GPHN: variants seen among roughly 807,000 people sequenced by gnomAD.
GPHN encodes gephyrin.
GPHN carries 17 observed loss-of-function variants against 95.5 expected under a neutral mutation model. The ratio of observed to expected loss-of-function variants is 0.18; its 90% CI spans 0.12 to 0.27. The LOEUF is 0.27. Ranked by LOEUF, GPHN falls within the 10% of genes least tolerant of loss-of-function variation. The probability of loss-of-function intolerance (pLI) is 1.00; values close to 1 mark genes in which losing one functional copy is unlikely to be tolerated. For missense variants in GPHN, 660 were observed against 978.1 expected, an observed-to-expected ratio of 0.67 and a Z score of 4.34; for synonymous variants, 320 against 322.5, an observed-to-expected ratio of 0.99 and a Z score of 0.08.
chr14:66,737,733 G>A (rs1422751533), intron 2 of GPHN, among the ~76,000 whole-genome samples: 8 of 151,980 alleles, frequency 5.3e-5, no homozygotes, highest in Admixed American at 6.6e-5. Flanking sequence ...ATTCTTTTTT[G>A]CTTACAGCCT....
chr14:66,754,095 T>A lies in GPHN; in HGVS notation c.144-22369T>A, dbSNP rs189741422. On this transcript the variant is annotated intron_variant, in intron 2 of 22. Transcript: ENST00000478722. ...CATTATCTGAGTTTATCACATTTTG[T>A]TTATTTATTCATCAGTTAATGGATA... Among the ~76,000 whole-genome samples the A allele has an allele frequency of 4.6e-5, 7 of 152,222 alleles. No homozygotes were observed. The East Asian group carries it at 7.7e-4, about 17-fold the overall frequency.
chr14:67,262,585 T>G, the GPHN span, among the ~76,000 whole-genome samples: 1 of 152,160 alleles, frequency 6.6e-6, no homozygotes, highest in Admixed American at 6.5e-5. Context: ...AATAAAACAT[T>G]GTCTTTATTG....
chr14:66,668,796 AAAAAGT>A (rs1306682883), intron 1 of GPHN, among the ~76,000 whole-genome samples: 2 of 152,196 alleles, frequency 1.3e-5, no homozygotes, highest in African/African-American at 4.8e-5. Flanking sequence ...CTTAAAAAAG[AAAAAGT>A]GCTTCCTTCT....
At chr14:67,159,316 C>A in intron 18 of GPHN, 99 bp from the exon 19 acceptor site, 1 of 800,468 alleles carries the variant, frequency 1.2e-6, no homozygotes, top group South Asian at 1.4e-5. Flanking sequence ...AAAGATGTTT[C>A]TTTTCATTTC....
At chr14:67,246,110 CTTTTTAT>C in the GPHN span, among the ~76,000 whole-genome samples, 12 of 151,470 alleles carry the variant, frequency 7.9e-5, no homozygotes, top group Non-Finnish European at 1.6e-4. Context: ...TTTGTCTATC[CTTTTTAT>C]TTTTTATTTT....
At chr14:67,670,114 C>G in the GPHN span, among the ~76,000 whole-genome samples, 7 of 152,232 alleles carry the variant, frequency 4.6e-5, no homozygotes, top group East Asian at 1.4e-3. Context: ...AACAAATTCC[C>G]GTTAGCAAGG....
intron 2 of GPHN, among the ~76,000 whole-genome samples, chr14:66,761,698 G>T (rs1211184758): frequency 7.0e-6 from 1 of 142,126 alleles, no homozygotes; most frequent in Non-Finnish European, 1.5e-5. Flanking sequence ...CTCTTTCTGT[G>T]GCCCAGGCTG....
chr14:67,004,858 TC>T (rs1248102286), intron 9 of GPHN, among the ~76,000 whole-genome samples: 3 of 151,676 alleles, frequency 2.0e-5, no homozygotes, highest in African/African-American at 7.2e-5. Context: ...AGTTCAGACA[TC>T]TTGGAAAGGA....
chr14:67,621,522 A>C, the GPHN span, among the ~76,000 whole-genome samples: 3 of 151,136 alleles, frequency 2.0e-5, no homozygotes, highest in South Asian at 6.3e-4. Flanking sequence ...GTGATGCAAT[A>C]TTGGCTCATT....
the GPHN span, among the ~76,000 whole-genome samples, chr14:67,669,323 G>A: frequency 1.3e-5 from 2 of 149,144 alleles, no homozygotes; most frequent in Admixed American, 6.7e-5. Flanking sequence ...AGGTTGGAGT[G>A]CAATGATGTG....
chr14:66,596,182 C>T (rs2061964215), intron 1 of GPHN, among the ~76,000 whole-genome samples: 1 of 151,948 alleles, frequency 6.6e-6, no homozygotes, highest in Non-Finnish European at 1.5e-5. Flanking sequence ...TTGAGTTTGG[C>T]TGAGTCCAGG....
At chr14:66,803,348 G>A (rs2060426883) in intron 3 of GPHN, among the ~76,000 whole-genome samples, 1 of 152,206 alleles carries the variant, frequency 6.6e-6, no homozygotes, top group African/African-American at 2.4e-5. Flanking sequence ...TGTCTTCAAT[G>A]CCTCTTTTAG....
chr14:66,629,999 T>C lies in GPHN; in HGVS notation c.65-51108T>C, dbSNP rs143483317. 7.9e-3 allele frequency among the ~76,000 whole-genome samples: 1,202 copies of C among 152,310 alleles called. 9 individuals are homozygous for C. Among genetic ancestry groups the C allele is most frequent in the African/African-American group, 0.028 (1,147 of 41,572 alleles). ...GGATGTTAACCGTAACATTAGCATG[T>C]TATTTTAATTAAATTGGTTTATTAA... On this transcript the variant is annotated intron_variant, in intron 1 of 22. Transcript: ENST00000478722.
the GPHN span, chr14:67,576,092 T>C: frequency 1.9e-6 from 2 of 1,064,154 alleles, no homozygotes; most frequent in South Asian, 3.2e-5. This position sits in a 1 kb window ranked among gnomAD's most constrained non-coding sequence, Gnocchi z 4.0. Flanking sequence ...CTTCCCAAAA[T>C]TCAAATTTAT....
the GPHN span, among the ~76,000 whole-genome samples, chr14:67,346,614 C>G: frequency 6.6e-6 from 1 of 152,118 alleles, no homozygotes; most frequent in South Asian, 2.1e-4. Context: ...TGTGCCTGGC[C>G]AAGAATATTG....
chr14:66,809,734 G>A (rs1285135489), intron 3 of GPHN, among the ~76,000 whole-genome samples: 1 of 151,924 alleles, frequency 6.6e-6, no homozygotes, highest in Non-Finnish European at 1.5e-5. Context: ...TTCTCTTCTG[G>A]TACTATTCAC....
At chr14:67,309,556 C>A in the GPHN span, among the ~76,000 whole-genome samples, 1 of 152,102 alleles carries the variant, frequency 6.6e-6, no homozygotes, top group Non-Finnish European at 1.5e-5. Context: ...CTGTTCCAAG[C>A]CAGTTAAATT....
At chr14:67,701,883 C>T in the GPHN span, 1 of 152,114 alleles carries the variant, frequency 6.6e-6, no homozygotes. Context: ...AACCTCAACT[C>T]CTGGGCACAA....
chr14:66,975,493 A>G (rs2070149976), intron 9 of GPHN, among the ~76,000 whole-genome samples: 1 of 152,208 alleles, frequency 6.6e-6, no homozygotes, highest in Non-Finnish European at 1.5e-5. Flanking sequence ...CTATAAACCC[A>G]AAGTCGTCTG....
Sources: gnomAD v4.1 joint callset for allele counts (sites outside exome capture counted in the v4.1 genomes callset) on GRCh38, gnomAD v4.1.1 for gene constraint, Gnocchi (gnomAD v3.1) non-coding constraint, MANE v1.5 for transcripts, NCBI Gene and HGNC (gene_info 2026-07-23, HGNC 2026-07-21) for gene names.